Variants in EML1 observed in about 807,000 individuals in gnomAD.
EML1 encodes EMAP like 1.
A neutral mutation model predicts 110.4 loss-of-function variants in EML1; 27 were observed. The observed-to-expected ratio is 0.24, with a 90% CI of 0.18 to 0.34. The LOEUF is 0.34. Among genes scored for constraint, EML1 ranks in the 10% least tolerant of loss-of-function variants. The probability of loss-of-function intolerance (pLI) is 1.00; values close to 1 mark genes in which losing one functional copy is unlikely to be tolerated. For missense variants in EML1, 741 were observed against 1,030.9 expected (o/e 0.72, Z 3.85); for synonymous variants, 344 against 385.8 (o/e 0.89, Z 1.27).
chr14:99,772,299 A>G (rs1384621806), upstream of EML1, among the ~76,000 whole-genome samples: 1 of 152,260 alleles, frequency 6.6e-6, no homozygotes, highest in Non-Finnish European at 1.5e-5. Context: ...CGCCAGCCAG[A>G]GAGCAGGGCA....
At chr14:99,900,140 T>G (rs2059736629) in intron 8 of EML1, among the ~76,000 whole-genome samples, 1 of 151,984 alleles carries the variant, frequency 6.6e-6, no homozygotes, top group South Asian at 2.1e-4. Flanking sequence ...AAATCTTATT[T>G]GTACATAATT....
At chr14:99,838,949 TTG>T (rs1323462364) in intron 1 of EML1, 1 of 92,498 alleles carries the variant, frequency 1.1e-5, no homozygotes, top group Non-Finnish European at 2.6e-5. Flanking sequence ...GCGTGCATGT[TTG>T]TAGTATTTAG....
chr14:99,939,634 C>T lies in EML1; in HGVS notation c.2322+307C>T, dbSNP rs935667790. On this transcript the variant is annotated intron_variant, in intron 21 of 21. Transcript: ENST00000262233. The surrounding 1 kb of genome is among the most constrained non-coding windows in gnomAD (Gnocchi z 4.2). The stretch of plus-strand genomic sequence containing the variant: ...GCCGCGCCAGCCCTGAGCCCTGGGA[C>T]GCCCTTCTTCATCCTCCGTGATCCT... 1.3e-5 allele frequency among the ~76,000 whole-genome samples: 2 copies of T among 152,190 alleles called. No individual in the cohort carries two copies. The highest frequency in any genetic ancestry group is 2.4e-5 in the African/African-American group (1 of 41,454).
At chr14:99,780,080 G>A (rs1204722981) in intron 1 of EML1, among the ~76,000 whole-genome samples, 1 of 152,022 alleles carries the variant, frequency 6.6e-6, no homozygotes, top group Admixed American at 6.5e-5. Context: ...TTCTTGCTGT[G>A]TCCTCACATG....
rs138651688 is a variant in EML1 at position 99,747,104 on chromosome 14, C to A, written c.28+9244C>A. ...TCAGAAGGCTGAGGGAGGAGAATGG[C>A]GTGAACCCAGGAGGTGGAGCTTGCA... On this transcript the variant is annotated intron_variant, in intron 1 of 10. Coordinates refer to the EML1 transcript ENST00000554479. Among the ~76,000 whole-genome samples, 4 of 145,220 alleles carry A rather than the reference C, an allele frequency of 2.8e-5. No homozygotes were observed. In the Admixed American group the frequency reaches 2.9e-4, roughly 11 times the overall value.
At chr14:99,851,873 C>G (rs2058814181) in intron 2 of EML1, among the ~76,000 whole-genome samples, 1 of 152,124 alleles carries the variant, frequency 6.6e-6, no homozygotes, top group Non-Finnish European at 1.5e-5. Context: ...ATCATTAGCT[C>G]TTCCCCTCTT....
chr14:99,772,398 G>T (rs981653880), upstream of EML1, among the ~76,000 whole-genome samples: 13 of 152,210 alleles, frequency 8.5e-5, no homozygotes, highest in Admixed American at 6.5e-4. Context: ...TGGTTGTCCA[G>T]GGCTGCTTCT....
At chr14:99,823,606 A>G (rs574259796) in intron 1 of EML1, among the ~76,000 whole-genome samples, 2 of 152,260 alleles carry the variant, frequency 1.3e-5, no homozygotes, top group African/African-American at 4.8e-5. Context: ...TCCTGCGTAG[A>G]TTGAGTGTCT....
chr14:99,919,636 C>T (rs944292455), intron 16 of EML1, among the ~76,000 whole-genome samples: 5 of 152,072 alleles, frequency 3.3e-5, no homozygotes, highest in Admixed American at 2.0e-4. Context: ...GGAGATGGAT[C>T]GGGTCACCTA....
upstream of EML1, among the ~76,000 whole-genome samples, chr14:99,770,377 TTCTATCTA>T (rs143789356): frequency 4.0e-3 from 605 of 150,304 alleles, 2 homozygotes; most frequent in African/African-American, 0.014. Context: ...AAAAATTTCT[TTCTATCTA>T]TCTATCTATC....
intron 3 of EML1, among the ~76,000 whole-genome samples, chr14:99,866,946 TAGGTTC>T (rs1414121001): frequency 6.6e-6 from 1 of 152,172 alleles, no homozygotes; most frequent in East Asian, 1.9e-4. Context: ...ATCTTAATTT[TAGGTTC>T]AGGGGGTATG....
Position 99,936,180 on chromosome 14 carries a change from A to C in EML1, c.2007+54A>C. On this transcript the variant is annotated intron_variant, in intron 18 of 21. Transcript: ENST00000262233. The surrounding 1 kb of genome is among the most constrained non-coding windows in gnomAD (Gnocchi z 5.5). ...CTCATGCACTGCGTATAGTTTAACT[A>C]CCGTGGAACAGTGTTGGCAGGGACT... 2 of 1,612,588 alleles carry C rather than the reference A, an allele frequency of 1.2e-6. No homozygotes were observed. The highest frequency in any genetic ancestry group is 1.7e-6 in the Non-Finnish European group (2 of 1,178,650).
chr14:99,922,567 T>A (rs962962102), intron 17 of EML1, among the ~76,000 whole-genome samples: 1 of 152,242 alleles, frequency 6.6e-6, no homozygotes, highest in Non-Finnish European at 1.5e-5. Context: ...TTTAACATTT[T>A]ATGAAACTGC....
chr14:99,742,008 G>A (rs2057048776), intron 1 of EML1, among the ~76,000 whole-genome samples: 1 of 152,152 alleles, frequency 6.6e-6, no homozygotes. Flanking sequence ...TTGGTGCTGA[G>A]TGACCCAGGG....
intron 1 of EML1, 74 bp downstream of exon 1, chr14:99,793,617 CA>C (rs2057711490): frequency 1.0e-5 from 10 of 967,000 alleles, no homozygotes; most frequent in Non-Finnish European, 1.1e-5. Flanking sequence ...CGGCGGGGAC[CA>C]AGCCGAGGGG....
chr14:99,914,907 C>T, intron 15 of EML1: 1 of 616,672 alleles, frequency 1.6e-6, no homozygotes, highest in Admixed American at 3.8e-5. Flanking sequence ...TTGAAGTTTA[C>T]TGTTGAAATT....
At position 99,914,231 on chromosome 14, in the gene EML1, TG is replaced by T; in HGVS notation, c.1548del (p.Ile517SerfsTer2). The T allele has an allele frequency of 6.2e-7, 1 of 1,614,050 alleles. No individual in the cohort carries two copies. Among genetic ancestry groups the T allele is most frequent in the Non-Finnish European group, 8.5e-7 (1 of 1,179,922 alleles). On this transcript the variant is annotated frameshift_variant, in exon 14 of 22. Coordinates refer to ENST00000262233, the MANE Select transcript of EML1 (RefSeq NM_004434.3). LOFTEE classifies it high-confidence loss of function. The part of the protein sequence containing the change: ...IRTVAEGKGD[V>X]ILIGTTRNFV... ...ACAGTGGCCGAGGGGAAAGGCGATG[TG>T]ATCTTGATTGGCACAACTCGAAACT...
intron 1 of EML1, among the ~76,000 whole-genome samples, chr14:99,846,049 C>CAA (rs540638774): frequency 9.4e-5 from 5 of 53,216 alleles, no homozygotes; most frequent in East Asian, 5.5e-4. Flanking sequence ...GACTCTGTCT[C>CAA]AAAAAAAAAA....
At chr14:99,782,454 C>T (rs967888376) in intron 1 of EML1, among the ~76,000 whole-genome samples, 5 of 152,092 alleles carry the variant, frequency 3.3e-5, no homozygotes, top group Admixed American at 6.5e-5. Flanking sequence ...GCTGTGAGAC[C>T]CTCGGGTGTG....
Sources: gnomAD v4.1 joint callset for allele counts (sites outside exome capture counted in the v4.1 genomes callset) on GRCh38, gnomAD v4.1.1 for gene constraint, Gnocchi (gnomAD v3.1) non-coding constraint, MANE v1.5 for transcripts, NCBI Gene and HGNC (gene_info 2026-07-23, HGNC 2026-07-21) for gene names.